HRH2: variants seen among roughly 807,000 people sequenced by gnomAD.
HRH2 encodes histamine H2 receptor.
In HRH2, 4 loss-of-function variants were observed where a neutral mutation model predicts 20.1. That is an observed-to-expected ratio of 0.20 (90% CI 0.10 to 0.45). The LOEUF is 0.45. HRH2 is among the 20% of genes least tolerant of loss of function. The pLI is 0.99. For synonymous variants in HRH2, 197 were observed against 200.7 expected, an observed-to-expected ratio of 0.98 and a Z score of 0.16; for missense variants, 250 against 461.6, an observed-to-expected ratio of 0.54 and a Z score of 4.20.
chr5:175,671,017 G>C (rs941645837), intron 1 of HRH2, among the ~76,000 whole-genome samples: 1 of 152,246 alleles, frequency 6.6e-6, no homozygotes, highest in African/African-American at 2.4e-5. Context: ...TAATAACAAG[G>C]TATGCTAAGT....
chr5:175,663,539 A>G (rs867570599), intron 1 of HRH2, among the ~76,000 whole-genome samples: 1 of 152,222 alleles, frequency 6.6e-6, no homozygotes, highest in Non-Finnish European at 1.5e-5. Flanking sequence ...TGCTAACTCC[A>G]TAGAAATCTA....
In HRH2 at chr5:175,695,079, G is replaced by A. The variant is rs73339524; in HGVS notation, c.1076+10770G>A. Among the ~76,000 whole-genome samples, 329 of 152,240 alleles carry A rather than the reference G, an allele frequency of 2.2e-3. 1 individual carries two copies. Among genetic ancestry groups the A allele is most frequent in the African/African-American group, 7.6e-3 (317 of 41,542 alleles). On this transcript the variant is annotated intron_variant, in intron 2 of 2. Transcript: ENST00000636584. ...GATGACACAGACAAGCCAGGGCCAGGAGCCATGCAGTCTTCTGGACTTTGC... is the reference window on the plus strand; with the variant it reads ...GATGACACAGACAAGCCAGGGCCAGAAGCCATGCAGTCTTCTGGACTTTGC...
intron 1 of HRH2, among the ~76,000 whole-genome samples, chr5:175,674,142 C>G (rs950168725): frequency 3.3e-5 from 5 of 152,242 alleles, no homozygotes; most frequent in Admixed American, 2.6e-4. Context: ...TGGTGTGAGT[C>G]TCTCACTGAT....
chr5:175,693,969 G>A lies in HRH2; in HGVS notation c.1076+9660G>A, dbSNP rs1756471824. 1.3e-5 allele frequency among the ~76,000 whole-genome samples: 2 copies of A among 152,302 alleles called. No individual in the cohort carries two copies. Among genetic ancestry groups the A allele is most frequent in the Non-Finnish European group, 1.5e-5 (1 of 68,038 alleles). On this transcript the variant is annotated intron_variant, in intron 2 of 2. Transcript: ENST00000636584. The surrounding 1 kb of genome is among the most constrained non-coding windows in gnomAD (Gnocchi z 4.4). Reference sequence around the variant, plus strand: ...AGTGGTCTGTTGCCAGAGCTCTGAAGGCTGACCTCCCCAATTTGCTGGCTG... The same window carrying A: ...AGTGGTCTGTTGCCAGAGCTCTGAAAGCTGACCTCCCCAATTTGCTGGCTG...
chr5:175,668,657 C>T (rs1464403950), intron 1 of HRH2, among the ~76,000 whole-genome samples: 3 of 152,070 alleles, frequency 2.0e-5, no homozygotes, highest in South Asian at 2.1e-4. Context: ...AGATGAGAGT[C>T]GCGGTGAGGG....
intron 2 of HRH2, among the ~76,000 whole-genome samples, chr5:175,704,931 G>C (rs565861377): frequency 6.6e-6 from 1 of 151,856 alleles, no homozygotes; most frequent in East Asian, 1.9e-4. Flanking sequence ...TGTAAGTGTG[G>C]TATCCTTTTA....
Position 175,687,287 on chromosome 5 carries a change from C to T in HRH2, c.1076+2978C>T, listed in dbSNP as rs1756204829. On this transcript the variant is annotated intron_variant, in intron 2 of 2. Coordinates refer to ENST00000636584, the MANE Select transcript of HRH2 (RefSeq NM_001367711.1). The surrounding 1 kb of genome is among the most constrained non-coding windows in gnomAD (Gnocchi z 5.2). ...GTGTGTCCCTCGATAAGCTCGGCTG[C>T]CAGTTTCCCTGCTGGCTGATAGCAT... Among the ~76,000 whole-genome samples, 1 of 152,156 alleles carries T rather than the reference C, an allele frequency of 6.6e-6. No individual in the cohort carries two copies. The highest frequency in any genetic ancestry group is 2.4e-5 in the African/African-American group (1 of 41,438).
chr5:175,699,221 CTG>C (rs1756713438), intron 2 of HRH2, among the ~76,000 whole-genome samples: 2 of 152,210 alleles, frequency 1.3e-5, no homozygotes, highest in African/African-American at 4.8e-5. Flanking sequence ...GAAAAGAACA[CTG>C]TGATTGGTCT....
intron 2 of HRH2, 130 bp from the exon 3 acceptor site, chr5:175,707,649 T>TA: frequency 7.2e-6 from 1 of 138,174 alleles, no homozygotes; most frequent in Non-Finnish European, 1.6e-5. Context: ...GCGGTTCCCC[T>TA]CCCCTCCCCA....
chr5:175,685,076 A>G (rs957284294), intron 2 of HRH2, among the ~76,000 whole-genome samples: 1 of 152,206 alleles, frequency 6.6e-6, no homozygotes, highest in Non-Finnish European at 1.5e-5. Context: ...CAAGGAGGCC[A>G]TAGATCTTAA....
At chr5:175,664,658 AT>A (rs539129768) in intron 1 of HRH2, among the ~76,000 whole-genome samples, 49 of 150,388 alleles carry the variant, frequency 3.3e-4, no homozygotes, top group African/African-American at 1.0e-3. Context: ...CCACGGCAGG[AT>A]TTTTTTTTTC....
At chr5:175,669,800 A>C (rs1755457671) in intron 1 of HRH2, among the ~76,000 whole-genome samples, 1 of 152,222 alleles carries the variant, frequency 6.6e-6, no homozygotes, top group South Asian at 2.1e-4. Context: ...TGATTGCTTC[A>C]AGATGCCTTT....
rs145457404 is a variant in HRH2, at chr5:175,693,616, G to A, written c.1076+9307G>A. Among the ~76,000 whole-genome samples, 396 of 152,308 alleles carry A rather than the reference G, an allele frequency of 2.6e-3. 5 individuals are homozygous for A. Among genetic ancestry groups the A allele is most frequent in the African/African-American group, 8.4e-3 (350 of 41,546 alleles). On this transcript the variant is annotated intron_variant, in intron 2 of 2. Transcript: ENST00000636584. The surrounding 1 kb of genome is among the most constrained non-coding windows in gnomAD (Gnocchi z 4.4). ...TCCTTCTCATGCTGAATCTGGAGAC[G>A]TAGAGTTTTAAAACTTACTGTGAAA...
At chr5:175,665,108 A>G (rs1320993461) in intron 1 of HRH2, among the ~76,000 whole-genome samples, 2 of 152,226 alleles carry the variant, frequency 1.3e-5, no homozygotes, top group South Asian at 2.1e-4. Flanking sequence ...GATGAAGGCC[A>G]GTACTCTGCA....
chr5:175,697,307 C>CA (rs1417806266), intron 2 of HRH2, among the ~76,000 whole-genome samples: 30 of 151,628 alleles, frequency 2.0e-4, no homozygotes, highest in Non-Finnish European at 3.2e-4. Context: ...ACTAAAAATA[C>CA]AAAAAATTAG....
Position 175,682,974 on chromosome 5 carries a change from C to G in HRH2, c.-260C>G. The G allele has an allele frequency of 4.6e-6, 2 of 438,476 alleles. No individual in the cohort carries two copies. The highest frequency in any genetic ancestry group is 8.5e-5 in the South Asian group (2 of 23,396). The allele number at this position is 438,476 out of a possible 1,614,324, so 27.2% of individuals were successfully genotyped here. ...TGATCCATGAACCTGGCTTCGAGGC[C>G]TTGCTTTTCTCTCTTCTTCATTCAT... On this transcript the variant is annotated 5_prime_UTR_variant, in exon 2 of 3. Coordinates refer to ENST00000636584, the MANE Select transcript of HRH2 (RefSeq NM_001367711.1).
chr5:175,697,417 A>C (rs1462597807), intron 2 of HRH2, among the ~76,000 whole-genome samples: 1 of 149,240 alleles, frequency 6.7e-6, no homozygotes, highest in Non-Finnish European at 1.5e-5. Flanking sequence ...GAGCCGGGAT[A>C]GCGCCACTGC....
chr5:175,683,221 G>A lies in HRH2; in HGVS notation c.-13G>A, dbSNP rs374538683. 182 of 1,609,004 alleles carry A rather than the reference G, an allele frequency of 1.1e-4. No individual in the cohort carries two copies. Among genetic ancestry groups the A allele is most frequent in the African/African-American group, 2.0e-4 (15 of 74,790 alleles). On this transcript the variant is annotated 5_prime_UTR_variant, in exon 2 of 3. Transcript: ENST00000636584. ...GGGGCCCTGATCAGGGGACTGAGCC[G>A]TAGAGTCCCAGGATGGCACCCAATG...
At chr5:175,688,366 C>T (rs550708906) in intron 2 of HRH2, among the ~76,000 whole-genome samples, 1 of 152,326 alleles carries the variant, frequency 6.6e-6, no homozygotes, top group African/African-American at 2.4e-5. Context: ...CCCTGTCCTG[C>T]TGCCTTTCCT....
Sources: allele counts gnomAD v4.1 joint callset (sites outside exome capture counted in the v4.1 genomes callset), GRCh38; gene constraint gnomAD v4.1.1; non-coding constraint Gnocchi (gnomAD v3.1); transcripts MANE v1.5; gene names NCBI Gene and HGNC (gene_info 2026-07-23, HGNC 2026-07-21).